SLIT3: variants seen among roughly 807,000 people sequenced by gnomAD.
The protein encoded by SLIT3 is slit guidance ligand 3, also known as slit homolog 3 protein.
In SLIT3, 68 loss-of-function variants were observed where a neutral mutation model predicts 184.0. The observed-to-expected ratio is 0.37, with a 90% CI of 0.30 to 0.45. The LOEUF (loss-of-function observed/expected upper bound fraction) is 0.45, where lower values mean the gene tolerates loss of function less well. Ranked by LOEUF, SLIT3 falls within the 20% of genes least tolerant of loss-of-function variation. The pLI, the probability that SLIT3 is intolerant of heterozygous loss-of-function variation, is 1.00. For missense variants in SLIT3, 1,707 were observed against 2,026.0 expected, an observed-to-expected ratio of 0.84 and a Z score of 3.02; for synonymous variants, 831 against 828.6, an observed-to-expected ratio of 1.00 and a Z score of -0.05.
At chr5:169,077,250 T>C (rs541686843) in intron 4 of SLIT3, among the ~76,000 whole-genome samples, 19 of 152,276 alleles carry the variant, frequency 1.2e-4, no homozygotes, top group Admixed American at 1.1e-3. Flanking sequence ...AAGAATACAG[T>C]ATGTAGGCCG....
At chr5:168,949,688 T>G (rs1554164008) in intron 4 of SLIT3, among the ~76,000 whole-genome samples, 1 of 152,104 alleles carries the variant, frequency 6.6e-6, no homozygotes, top group Non-Finnish European at 1.5e-5. Context: ...CAGCCTCAAC[T>G]TCCTGGGCTC....
chr5:169,017,336 C>T (rs769774835), intron 4 of SLIT3, among the ~76,000 whole-genome samples: 8 of 152,290 alleles, frequency 5.3e-5, no homozygotes, highest in Middle Eastern at 6.8e-3. Flanking sequence ...ACATCCCCTT[C>T]GACTCCTTCC....
intron 6 of SLIT3, among the ~76,000 whole-genome samples, chr5:168,826,425 G>A (rs1757707299): frequency 6.6e-6 from 1 of 152,186 alleles, no homozygotes; most frequent in African/African-American, 2.4e-5. Context: ...CCCACACACA[G>A]AGTACTGCAT....
intron 3 of SLIT3, among the ~76,000 whole-genome samples, chr5:169,241,218 T>A (rs1209825946): frequency 1.3e-5 from 2 of 152,172 alleles, no homozygotes; most frequent in Admixed American, 1.3e-4. Flanking sequence ...TCCAGCTAAA[T>A]TAGGTTTAGG....
chr5:168,947,635 C>T lies in SLIT3; in HGVS notation c.414-64299G>A, dbSNP rs528743317. Reference sequence around the variant, plus strand: ...GGCTGCCAGTGTGAAAAGTGGGGGCCTGGTTCTTCATACACTGAGCTGGCT... The same window carrying T: ...GGCTGCCAGTGTGAAAAGTGGGGGCTTGGTTCTTCATACACTGAGCTGGCT... On this transcript the variant is annotated intron_variant, in intron 4 of 35. Coordinates refer to ENST00000519560, the MANE Select transcript of SLIT3 (RefSeq NM_003062.4). 3.1e-4 allele frequency among the ~76,000 whole-genome samples: 47 copies of T among 152,256 alleles called. 1 individual carries two copies. The South Asian group carries it at 9.8e-3, about 32-fold the overall frequency.
chr5:168,796,099 C>T (rs1252288932), intron 9 of SLIT3, among the ~76,000 whole-genome samples: 1 of 152,200 alleles, frequency 6.6e-6, no homozygotes, highest in African/African-American at 2.4e-5. Context: ...AGTGCAGGAA[C>T]AGCCTTAACG....
At chr5:168,981,205 G>A (rs1481390376) in intron 4 of SLIT3, among the ~76,000 whole-genome samples, 1 of 152,178 alleles carries the variant, frequency 6.6e-6, no homozygotes, top group African/African-American at 2.4e-5. Flanking sequence ...GCTACAATTT[G>A]TGTAGCATGT....
At chr5:168,889,002 T>A (rs779697794) in intron 4 of SLIT3, among the ~76,000 whole-genome samples, 1 of 152,220 alleles carries the variant, frequency 6.6e-6, no homozygotes, top group South Asian at 2.1e-4. Context: ...CCATCTTACA[T>A]AAAGCTGCAC....
At chr5:168,678,259 G>A (rs545962352) in intron 32 of SLIT3, among the ~76,000 whole-genome samples, 84 of 152,282 alleles carry the variant, frequency 5.5e-4, no homozygotes, top group African/African-American at 1.9e-3. Context: ...GGAGGTTCAG[G>A]GTAGGCAGTG....
chr5:169,157,251 CT>C lies in SLIT3; in HGVS notation c.413+36227del, dbSNP rs375787825. Among the ~76,000 whole-genome samples, 383 of 152,328 alleles carry C rather than the reference CT, an allele frequency of 2.5e-3. 5 individuals are homozygous for C. Among genetic ancestry groups the C allele is most frequent in the African/African-American group, 8.7e-3 (360 of 41,562 alleles). On this transcript the variant is annotated intron_variant, in intron 4 of 35. Transcript: ENST00000519560. ...GCAACAGATAAAAGGTACCCCTCCCCTGTGACATAATTGTGGGAGTGATGTC... is the reference window on the plus strand; with the variant it reads ...GCAACAGATAAAAGGTACCCCTCCCCGTGACATAATTGTGGGAGTGATGTC...
chr5:169,167,268 CTT>C (rs11287374), intron 4 of SLIT3, among the ~76,000 whole-genome samples: 4 of 90,628 alleles, frequency 4.4e-5, no homozygotes, highest in South Asian at 4.7e-4. Context: ...GTTCTAAGCA[CTT>C]TTTTTTTTTT....
chr5:168,689,088 C>A (rs910581571), intron 29 of SLIT3, among the ~76,000 whole-genome samples: 2 of 152,122 alleles, frequency 1.3e-5, no homozygotes, highest in Non-Finnish European at 2.9e-5. Context: ...AAGTCTCAAA[C>A]TTTAATGAGC....
chr5:168,903,580 G>A (rs1468071630), intron 4 of SLIT3, among the ~76,000 whole-genome samples: 1 of 152,182 alleles, frequency 6.6e-6, no homozygotes, highest in Non-Finnish European at 1.5e-5. Flanking sequence ...GAGGACACCT[G>A]TGGGGGCATG....
intron 3 of SLIT3, among the ~76,000 whole-genome samples, chr5:169,200,956 C>G (rs1212599748): frequency 6.6e-6 from 1 of 152,202 alleles, no homozygotes; most frequent in Non-Finnish European, 1.5e-5. Flanking sequence ...CTTACAGACT[C>G]AATACCCAGG....
intron 20 of SLIT3, among the ~76,000 whole-genome samples, chr5:168,734,141 C>A (rs1763366000): frequency 6.6e-6 from 1 of 152,178 alleles, no homozygotes; most frequent in Non-Finnish European, 1.5e-5. Context: ...ACAATATATG[C>A]ATGTAAGAAA....
In SLIT3 at chr5:168,805,014, C is replaced by A. The variant is rs543109092; in HGVS notation, c.935+1432G>T. On this transcript the variant is annotated intron_variant, in intron 9 of 35. Coordinates refer to ENST00000519560, the MANE Select transcript of SLIT3 (RefSeq NM_003062.4). ...TCTTCCTCCAGATAGCCATTTGGTT[C>A]TCTCGCTTATTTCATGTCCTTTTCT... Among the ~76,000 whole-genome samples, 4 of 152,324 alleles carry A rather than the reference C, an allele frequency of 2.6e-5. No homozygotes were observed. In the East Asian group the frequency reaches 7.7e-4, roughly 29 times the overall value.
At chr5:169,139,789 A>G (rs973664622) in intron 4 of SLIT3, among the ~76,000 whole-genome samples, 4 of 152,234 alleles carry the variant, frequency 2.6e-5, no homozygotes, top group African/African-American at 9.6e-5. Flanking sequence ...CACTCTTGCC[A>G]GCAGCTAGTA....
intron 4 of SLIT3, among the ~76,000 whole-genome samples, chr5:169,113,548 C>A (rs12522573): frequency 0.26 from 39,075 of 152,072 alleles, 5,355 homozygotes; most frequent in East Asian, 0.36. Flanking sequence ...TGTACAAATA[C>A]CATTCGATCC....
intron 20 of SLIT3, among the ~76,000 whole-genome samples, chr5:168,735,601 C>G (rs1280445139): frequency 1.3e-5 from 2 of 151,516 alleles, no homozygotes; most frequent in African/African-American, 4.9e-5. Context: ...AGAGCAGTAC[C>G]CGGCACACTG....
Sources: gnomAD v4.1 joint callset for allele counts (sites outside exome capture counted in the v4.1 genomes callset) on GRCh38, gnomAD v4.1.1 for gene constraint, MANE v1.5 for transcripts, NCBI Gene and HGNC (gene_info 2026-07-23, HGNC 2026-07-21) for gene names.